Variants in ARHGEF7 observed in about 807,000 individuals in gnomAD.
ARHGEF7 encodes Rho guanine nucleotide exchange factor 7.
In ARHGEF7, 33 loss-of-function variants were observed where a neutral mutation model predicts 109.8. That is an observed-to-expected ratio of 0.30 (90% CI 0.23 to 0.40). The LOEUF (loss-of-function observed/expected upper bound fraction) is 0.40, where lower values mean the gene tolerates loss of function less well. Among genes scored for constraint, ARHGEF7 ranks in the 10% least tolerant of loss-of-function variants. The pLI is 1.00. For missense variants in ARHGEF7, 938 were observed against 1,098.5 expected, an observed-to-expected ratio of 0.85 and a Z score of 2.07; for synonymous variants, 458 against 424.6, an observed-to-expected ratio of 1.08 and a Z score of -0.97.
At chr13:111,115,788 A>C (rs2066696764) in intron 1 of ARHGEF7, 97 bp downstream of exon 1, 23 of 550,878 alleles carry the variant, frequency 4.2e-5, no homozygotes, top group East Asian at 1.1e-4. Context: ...CGCTCGGGAA[A>C]CCCGTGCGCC....
chr13:111,290,682 G>A (rs948691151), intron 18 of ARHGEF7, among the ~76,000 whole-genome samples: 4 of 152,212 alleles, frequency 2.6e-5, no homozygotes, highest in South Asian at 2.1e-4. Context: ...CACATTGCCT[G>A]TATTCTGTAC....
In ARHGEF7 at chr13:111,275,546, A is replaced by T; in HGVS notation, c.1287A>T (p.Glu429Asp). ...GTGTCTGTCAGGCCCAATGTCAAGA[A>T]GTCCGGAAGAGGAAAGAGCTTGAGC... ...AFKNLSAQCQ[E>D]VRKRKELELQ... The change falls in exon 12 of 22, where the codon GAA becomes GAT. Residue 429 changes from glutamate to aspartate, a missense_variant. Physicochemically the swap from Glu to Asp is conservative, Grantham distance 45 (BLOSUM62 2). This residue lies in a region of ARHGEF7 where 585 missense variants were observed against 723.6 expected (regional missense o/e 0.81). Coordinates refer to ENST00000646102, the MANE Select transcript of ARHGEF7 (RefSeq NM_001354046.2). 1 of 1,613,922 alleles carries T rather than the reference A, an allele frequency of 6.2e-7. No homozygotes were observed. The highest frequency in any genetic ancestry group is 8.5e-7 in the Non-Finnish European group (1 of 1,179,906).
chr13:111,274,888 A>G (rs138121129), intron 11 of ARHGEF7, 98 bp downstream of exon 11: 5 of 835,550 alleles, frequency 6.0e-6, no homozygotes, highest in African/African-American at 5.3e-5. Flanking sequence ...TTAAAAAATG[A>G]CTTGTGCTGA....
chr13:111,145,641 G>A lies in ARHGEF7; in HGVS notation c.166-8264G>A, dbSNP rs181135549. On this transcript the variant is annotated intron_variant, in intron 1 of 21. Coordinates refer to ENST00000646102, the MANE Select transcript of ARHGEF7 (RefSeq NM_001354046.2). This position sits in a 1 kb window ranked among gnomAD's most constrained non-coding sequence, Gnocchi z 4.3. ...GGCTTTAAAGGCACCAGTGTGACGG[G>A]GTGACACCCATACAGCCCACTGTGA... 1.3e-3 allele frequency among the ~76,000 whole-genome samples: 192 copies of A among 152,316 alleles called. 1 individual carries two copies. Among genetic ancestry groups the A allele is most frequent in the Middle Eastern group, 3.4e-3 (1 of 294 alleles).
intron 2 of ARHGEF7, among the ~76,000 whole-genome samples, chr13:111,181,098 C>A (rs1305112779): frequency 6.6e-6 from 1 of 152,164 alleles, no homozygotes; most frequent in African/African-American, 2.4e-5. Context: ...AATTGTTTAT[C>A]TCTTAGTGGT....
At chr13:111,199,601 G>A (rs1181891612) in intron 2 of ARHGEF7, among the ~76,000 whole-genome samples, 1 of 152,162 alleles carries the variant, frequency 6.6e-6, no homozygotes, top group Admixed American at 6.5e-5. Context: ...CCTTTTGTCA[G>A]GTGTTAGTTC....
chr13:111,122,383 G>A (rs2067257228), intron 1 of ARHGEF7, among the ~76,000 whole-genome samples: 1 of 152,230 alleles, frequency 6.6e-6, no homozygotes, highest in Non-Finnish European at 1.5e-5. Flanking sequence ...ACTGCTTCCC[G>A]GGTACAGCTT....
chr13:111,133,799 ATATATATATATAT>A (rs1566606910), intron 1 of ARHGEF7, among the ~76,000 whole-genome samples: 3,264 of 37,778 alleles, frequency 0.086, 389 homozygotes, highest in African/African-American at 0.16. Context: ...ATATATATAT[ATATATATATATAT>A]ATTTATTATA....
chr13:111,251,339 C>T (rs954251770), intron 8 of ARHGEF7, among the ~76,000 whole-genome samples: 2 of 152,088 alleles, frequency 1.3e-5, no homozygotes, highest in African/African-American at 4.8e-5. Flanking sequence ...AGGAGTGGAA[C>T]AGTAGGAGCC....
At chr13:111,193,291 T>C (rs560367885) in intron 2 of ARHGEF7, among the ~76,000 whole-genome samples, 35 of 152,322 alleles carry the variant, frequency 2.3e-4, no homozygotes, top group Admixed American at 1.7e-3. Context: ...AGGGGGTTGT[T>C]CCATACCAAG....
intron 10 of ARHGEF7, 51 bp downstream of exon 10, chr13:111,274,003 A>T (rs2092335566): frequency 6.3e-7 from 1 of 1,596,354 alleles, no homozygotes; most frequent in Non-Finnish European, 8.6e-7. Context: ...GGTTAGTGGC[A>T]TGGTCAGACT....
rs1010842524 is a variant in ARHGEF7 at position 111,261,207 on chromosome 13, A to T, written c.951-6341A>T. Among the ~76,000 whole-genome samples the T allele has an allele frequency of 2.6e-5, 4 of 152,306 alleles. No individual in the cohort carries two copies. In the East Asian group the frequency reaches 7.7e-4, roughly 29 times the overall value. On this transcript the variant is annotated intron_variant, in intron 8 of 21. Coordinates refer to ENST00000646102, the MANE Select transcript of ARHGEF7 (RefSeq NM_001354046.2). ...CCGTAGAGTGGCTGAATGGATTAAA[A>T]AAAACCAAAAAGACAAAAAACCCAA...
chr13:111,263,140 T>C (rs978606484), intron 8 of ARHGEF7, among the ~76,000 whole-genome samples: 5 of 152,196 alleles, frequency 3.3e-5, no homozygotes, highest in Non-Finnish European at 5.9e-5. Flanking sequence ...GGCAGCGTTA[T>C]GTGTGGAATA....
chr13:111,300,674 A>G (rs2093544608), intron 19 of ARHGEF7, 74 bp from the exon 20 acceptor site: 1 of 965,906 alleles, frequency 1.0e-6, no homozygotes, highest in Non-Finnish European at 1.6e-6. Flanking sequence ...GTGACATGGT[A>G]TAGTCAAGTT....
At chr13:111,130,714 G>A (rs1021295086) in intron 1 of ARHGEF7, among the ~76,000 whole-genome samples, 7 of 152,234 alleles carry the variant, frequency 4.6e-5, no homozygotes, top group African/African-American at 7.2e-5. Context: ...AGCTATGTGC[G>A]CTGAAGGCAA....
chr13:111,186,829 G>A, intron 2 of ARHGEF7: 1 of 985,410 alleles, frequency 1.0e-6, no homozygotes, highest in South Asian at 4.7e-5. Flanking sequence ...GTCCCACATT[G>A]CAGAGGCCTC....
At chr13:111,121,279 G>A (rs1274562352) in intron 1 of ARHGEF7, among the ~76,000 whole-genome samples, 2 of 152,196 alleles carry the variant, frequency 1.3e-5, no homozygotes, top group African/African-American at 2.4e-5. Context: ...CTCCCCGGCC[G>A]CAGAACGTGT....
intron 2 of ARHGEF7, among the ~76,000 whole-genome samples, chr13:111,154,507 T>C (rs1757766175): frequency 6.6e-6 from 1 of 152,210 alleles, no homozygotes; most frequent in African/African-American, 2.4e-5. Context: ...TTTTTCTTCC[T>C]GAGACCAGAA....
chr13:111,241,233 G>A lies in ARHGEF7; in HGVS notation c.760-2639G>A, dbSNP rs1464984658. On this transcript the variant is annotated intron_variant, in intron 6 of 21. Coordinates refer to ENST00000646102, the MANE Select transcript of ARHGEF7 (RefSeq NM_001354046.2). Reference sequence around the variant, plus strand: ...TTTGAAAACTGCCTGCGTCCTCTGGGTTCCCAGCGTTGGTGGGATGGAGCT... The same window carrying A: ...TTTGAAAACTGCCTGCGTCCTCTGGATTCCCAGCGTTGGTGGGATGGAGCT... The A allele has an allele frequency of 3.3e-6, 5 of 1,536,074 alleles. No homozygotes were observed. The Admixed American group carries it at 7.8e-5, about 24-fold the overall frequency.
Sources: allele counts gnomAD v4.1 joint callset (sites outside exome capture counted in the v4.1 genomes callset), GRCh38; gene constraint gnomAD v4.1.1; regional missense constraint gnomAD v4.1.1; non-coding constraint Gnocchi (gnomAD v3.1); transcripts MANE v1.5; gene names NCBI Gene and HGNC (gene_info 2026-07-23, HGNC 2026-07-21).